The following FBXW7 variants were observed in gnomAD, a reference collection of about 807,000 sequenced individuals.
FBXW7 encodes F-box and WD repeat domain containing 7, also known as F-box/WD repeat-containing protein 7.
In FBXW7, 11 loss-of-function variants were observed where a neutral mutation model predicts 86.3. The ratio of observed to expected loss-of-function variants is 0.13; its 90% CI spans 0.08 to 0.21. The LOEUF (loss-of-function observed/expected upper bound fraction) is 0.21. Ranked by LOEUF, FBXW7 falls within the 10% of genes least tolerant of loss-of-function variation. The pLI is 1.00. For synonymous variants in FBXW7, 313 were observed against 297.9 expected (o/e 1.05, Z -0.52); for missense variants, 488 against 847.4 (o/e 0.58, Z 5.27).
At chr4:152,347,709 A>G (rs1018342323) in intron 5 of FBXW7, among the ~76,000 whole-genome samples, 2 of 152,148 alleles carry the variant, frequency 1.3e-5, no homozygotes, top group African/African-American at 4.8e-5. Context: ...GCAAAACTAA[A>G]TAAGATCATC....
rs1396557800 is a variant in FBXW7, at chr4:152,535,510, C to A, written c.-596G>T. ...CGCCCCCCCGGCCGGGGGGTGGTTG[C>A]CGAGCTTGGTTGGGGCCCCGGTTCA... is the stretch of plus-strand genomic sequence containing the variant. On this transcript the variant is annotated 5_prime_UTR_variant, in exon 1 of 14. Coordinates refer to ENST00000281708, the MANE Select transcript of FBXW7 (RefSeq NM_001349798.2). The A allele has an allele frequency of 2.3e-5, 9 of 394,188 alleles. No individual in the cohort carries two copies. Among genetic ancestry groups the A allele is most frequent in the Non-Finnish European group, 4.0e-5 (9 of 223,450 alleles). 24.4% of individuals were successfully genotyped at this position (394,188 alleles called of 1,614,324 possible).
intron 2 of FBXW7, among the ~76,000 whole-genome samples, chr4:152,456,087 CTT>C (rs1268818039): frequency 6.6e-6 from 1 of 151,758 alleles, no homozygotes; most frequent in Admixed American, 6.6e-5. Flanking sequence ...AAATAAAAGA[CTT>C]GAACTTGAGA....
At chr4:152,396,059 C>T (rs1359812808) in intron 4 of FBXW7, among the ~76,000 whole-genome samples, 1 of 151,910 alleles carries the variant, frequency 6.6e-6, no homozygotes, top group East Asian at 1.9e-4. Context: ...TCATTCATAT[C>T]AATTAACTTT....
chr4:152,369,536 C>A (rs569456939), intron 4 of FBXW7, among the ~76,000 whole-genome samples: 2 of 151,900 alleles, frequency 1.3e-5, no homozygotes, highest in South Asian at 4.2e-4. Context: ...AATATTAAGT[C>A]GGGGGAAAAG....
intron 10 of FBXW7, 27 bp downstream of exon 10, chr4:152,329,645 T>C (rs776083685): frequency 1.7e-6 from 2 of 1,210,048 alleles, no homozygotes; most frequent in East Asian, 5.3e-5. Flanking sequence ...ATTATGACTT[T>C]GTGAAGTGTA....
chr4:152,429,178 G>A (rs1739655756), intron 2 of FBXW7, among the ~76,000 whole-genome samples: 2 of 152,054 alleles, frequency 1.3e-5, no homozygotes, highest in African/African-American at 4.8e-5. Context: ...CAACAAGAGC[G>A]AAACTCCATC....
intron 13 of FBXW7, 193 bp downstream of exon 13, chr4:152,323,991 T>C (rs1721928107): frequency 1.8e-6 from 1 of 564,470 alleles, no homozygotes; most frequent in Admixed American, 3.1e-5. Flanking sequence ...TTATATTACA[T>C]ATTAAAAACA....
chr4:152,513,047 A>G (rs1268788019), intron 2 of FBXW7, among the ~76,000 whole-genome samples: 1 of 152,090 alleles, frequency 6.6e-6, no homozygotes, highest in Non-Finnish European at 1.5e-5. Flanking sequence ...TTTTTAGTAG[A>G]GACGGGGTTT....
chr4:152,474,106 T>C (rs983530480), intron 2 of FBXW7, among the ~76,000 whole-genome samples: 16 of 152,288 alleles, frequency 1.1e-4, no homozygotes, highest in African/African-American at 3.6e-4. Context: ...CAAACCTAAA[T>C]AGCCCACAGA....
chr4:152,403,115 T>G (rs1056418178), intron 4 of FBXW7, among the ~76,000 whole-genome samples: 1 of 151,768 alleles, frequency 6.6e-6, no homozygotes, highest in Non-Finnish European at 1.5e-5. Flanking sequence ...AAATGGGGAG[T>G]TGGGAATACG....
chr4:152,527,123 C>T (rs532071706), intron 2 of FBXW7, among the ~76,000 whole-genome samples: 2 of 152,326 alleles, frequency 1.3e-5, no homozygotes, highest in Non-Finnish European at 2.9e-5. Flanking sequence ...TTTATATTAT[C>T]TCATTTAATC....
At chr4:152,406,054 T>G (rs1459056630) in intron 4 of FBXW7, among the ~76,000 whole-genome samples, 2 of 152,342 alleles carry the variant, frequency 1.3e-5, no homozygotes, top group South Asian at 2.1e-4. Context: ...TATGTCCTTT[T>G]TCTTCATACT....
rs190504883 is a variant in FBXW7 at position 152,384,012 on chromosome 4, A to G, written c.501+27291T>C. Among the ~76,000 whole-genome samples, 148 of 152,302 alleles carry G rather than the reference A, an allele frequency of 9.7e-4. 1 individual carries two copies. The highest frequency in any genetic ancestry group is 1.7e-3 in the Non-Finnish European group (119 of 68,008). On this transcript the variant is annotated intron_variant, in intron 4 of 13. Coordinates refer to ENST00000281708, the MANE Select transcript of FBXW7 (RefSeq NM_001349798.2). The stretch of plus-strand genomic sequence containing the variant: ...CATTAGGATGGTTTTAAAACAAAAC[A>G]AAACAGTAAACAACAAGCATGGGCT...
intron 2 of FBXW7, chr4:152,530,933 T>C (rs1412934290): frequency 6.6e-6 from 1 of 152,174 alleles, no homozygotes; most frequent in African/African-American, 2.4e-5. Context: ...TTTACAAAAA[T>C]AGTTTGCCAA....
chr4:152,529,038 C>G (rs1377266791), intron 2 of FBXW7, among the ~76,000 whole-genome samples: 1 of 151,964 alleles, frequency 6.6e-6, no homozygotes, highest in Non-Finnish European at 1.5e-5. Flanking sequence ...TATTTAACAG[C>G]AACTTTACTC....
chr4:152,463,205 T>G (rs1456778343), intron 2 of FBXW7, among the ~76,000 whole-genome samples: 1 of 151,760 alleles, frequency 6.6e-6, no homozygotes, highest in South Asian at 2.1e-4. Flanking sequence ...GAGAATCACT[T>G]GAATCCAGGA....
intron 4 of FBXW7, among the ~76,000 whole-genome samples, chr4:152,367,614 C>T (rs1399453578): frequency 6.6e-6 from 1 of 152,080 alleles, no homozygotes; most frequent in Non-Finnish European, 1.5e-5. Context: ...ACAATAGATA[C>T]ATTTCTGGGC....
At chr4:152,362,670 T>C (rs536952774) in intron 4 of FBXW7, among the ~76,000 whole-genome samples, 99 of 151,506 alleles carry the variant, frequency 6.5e-4, no homozygotes, top group Non-Finnish European at 1.3e-3. Context: ...ACTGAAAATA[T>C]AAAACAAATT....
intron 2 of FBXW7, among the ~76,000 whole-genome samples, chr4:152,434,783 T>C (rs1378442055): frequency 2.6e-5 from 4 of 152,098 alleles, no homozygotes; most frequent in South Asian, 2.1e-4. Context: ...GAAATACAAA[T>C]AGATCAATAT....
Sources: allele counts gnomAD v4.1 joint callset (sites outside exome capture counted in the v4.1 genomes callset), GRCh38; gene constraint gnomAD v4.1.1; transcripts MANE v1.5; gene names NCBI Gene and HGNC (gene_info 2026-07-23, HGNC 2026-07-21).